Variants in GRIA4 observed in about 807,000 individuals in gnomAD.
The protein encoded by GRIA4 is glutamate ionotropic receptor AMPA type subunit 4.
GRIA4 carries 34 observed loss-of-function variants against 104.0 expected under a neutral mutation model. That is an observed-to-expected ratio of 0.33 (90% CI 0.25 to 0.44). The LOEUF is 0.44. GRIA4 is among the 20% of genes least tolerant of loss of function. The probability of loss-of-function intolerance (pLI) is 1.00; values close to 1 mark genes in which losing one functional copy is unlikely to be tolerated. For missense variants in GRIA4, 750 were observed against 1,096.5 expected (o/e 0.68, Z 4.46); for synonymous variants, 386 against 381.9 (o/e 1.01, Z -0.13).
chr11:105,709,186 C>T (rs963783187), intron 3 of GRIA4, among the ~76,000 whole-genome samples: 4 of 151,740 alleles, frequency 2.6e-5, no homozygotes, highest in Non-Finnish European at 5.9e-5. Context: ...TCTGGGACAC[C>T]GTGAGTAAAA....
At chr11:105,904,528 G>C (rs569302675) in intron 8 of GRIA4, among the ~76,000 whole-genome samples, 1 of 152,300 alleles carries the variant, frequency 6.6e-6, no homozygotes, top group Non-Finnish European at 1.5e-5. Context: ...ACCAGAACCA[G>C]AAATAATGAC....
chr11:105,663,365 A>G (rs1250887014), intron 3 of GRIA4, among the ~76,000 whole-genome samples: 5 of 151,958 alleles, frequency 3.3e-5, no homozygotes, highest in African/African-American at 9.7e-5. Flanking sequence ...TCTTCAACAG[A>G]CATTTATTGC....
chr11:105,647,926 T>C (rs922289613), intron 3 of GRIA4, among the ~76,000 whole-genome samples: 1 of 150,756 alleles, frequency 6.6e-6, no homozygotes, highest in Non-Finnish European at 1.5e-5. Flanking sequence ...GCCACTTTAC[T>C]CCAGACTGAG....
chr11:105,955,796 T>C (rs1404834891), intron 14 of GRIA4, among the ~76,000 whole-genome samples: 1 of 152,212 alleles, frequency 6.6e-6, no homozygotes, highest in Non-Finnish European at 1.5e-5. Flanking sequence ...TTCCTGATTT[T>C]TTAAAAATCA....
chr11:105,964,073 TA>T (rs1948802043), intron 14 of GRIA4, among the ~76,000 whole-genome samples: 1 of 152,142 alleles, frequency 6.6e-6, no homozygotes, highest in Non-Finnish European at 1.5e-5. Context: ...AGACACAAAA[TA>T]AATTAAAACA....
chr11:105,903,133 T>C (rs950537519), intron 7 of GRIA4, among the ~76,000 whole-genome samples: 1 of 152,206 alleles, frequency 6.6e-6, no homozygotes, highest in African/African-American at 2.4e-5. Flanking sequence ...CTAGGTTATA[T>C]TGAAAACTTT....
intron 3 of GRIA4, among the ~76,000 whole-genome samples, chr11:105,729,383 G>T (rs978314821): frequency 2.0e-5 from 3 of 152,084 alleles, no homozygotes; most frequent in African/African-American, 7.2e-5. Flanking sequence ...GCCCAAAAAT[G>T]CCCAGGACCA....
intron 4 of GRIA4, among the ~76,000 whole-genome samples, chr11:105,770,928 A>T (rs904785135): frequency 6.6e-6 from 1 of 151,976 alleles, no homozygotes; most frequent in Non-Finnish European, 1.5e-5. Flanking sequence ...TATTCCCTTC[A>T]TCCAAGGCTG....
intron 3 of GRIA4, among the ~76,000 whole-genome samples, chr11:105,717,351 C>T (rs1954128061): frequency 6.6e-6 from 1 of 152,106 alleles, no homozygotes; most frequent in Non-Finnish European, 1.5e-5. Context: ...GGGAATTCTG[C>T]TCCTACCTAA....
At chr11:105,963,736 C>T (rs1046105455) in intron 14 of GRIA4, among the ~76,000 whole-genome samples, 1 of 152,040 alleles carries the variant, frequency 6.6e-6, no homozygotes, top group Non-Finnish European at 1.5e-5. Flanking sequence ...TTGTAGAAAG[C>T]TTGATTCCAA....
intron 3 of GRIA4, among the ~76,000 whole-genome samples, chr11:105,615,586 A>G (rs1950580010): frequency 6.6e-6 from 1 of 151,854 alleles, no homozygotes; most frequent in African/African-American, 2.4e-5. Flanking sequence ...TTTGTGAGGT[A>G]TCCAAAATAT....
At chr11:105,877,693 T>C (rs1352252001) in intron 5 of GRIA4, among the ~76,000 whole-genome samples, 1 of 152,212 alleles carries the variant, frequency 6.6e-6, no homozygotes, top group Non-Finnish European at 1.5e-5. Context: ...TTCTCCATGA[T>C]CAATTCAGCT....
chr11:105,826,337 C>A (rs1943770698), intron 4 of GRIA4, among the ~76,000 whole-genome samples: 1 of 151,994 alleles, frequency 6.6e-6, no homozygotes, highest in Non-Finnish European at 1.5e-5. Context: ...CATGGGACAC[C>A]TGCATCTGAT....
chr11:105,897,072 T>C (rs1946675688), intron 6 of GRIA4, among the ~76,000 whole-genome samples: 1 of 152,210 alleles, frequency 6.6e-6, no homozygotes, highest in African/African-American at 2.4e-5. Flanking sequence ...TTAGGTGTCA[T>C]CTATGATTTA....
At chr11:105,968,405 A>G (rs565489871) in intron 14 of GRIA4, among the ~76,000 whole-genome samples, 14 of 152,316 alleles carry the variant, frequency 9.2e-5, no homozygotes, top group African/African-American at 3.4e-4. Context: ...AATATAAGGA[A>G]CAATTAGACT....
chr11:105,894,296 T>C (rs1304455029), intron 6 of GRIA4, among the ~76,000 whole-genome samples: 1 of 152,152 alleles, frequency 6.6e-6, no homozygotes, highest in African/African-American at 2.4e-5. Context: ...AGAGGTGGTT[T>C]GTATGGCTGG....
chr11:105,676,462 AG>A (rs1418830788), intron 3 of GRIA4, among the ~76,000 whole-genome samples: 3 of 151,450 alleles, frequency 2.0e-5, no homozygotes, highest in African/African-American at 7.3e-5. Context: ...TTGAAGGACT[AG>A]GAAAAAAGTT....
At chr11:105,613,520 G>A (rs559061045) in intron 3 of GRIA4, 2 of 152,234 alleles carry the variant, frequency 1.3e-5, no homozygotes, top group Non-Finnish European at 2.9e-5. Context: ...ATATCAAGCT[G>A]GGAACATTTT....
In GRIA4 at chr11:105,910,660, T is replaced by A; in HGVS notation, c.1269+115T>A. On this transcript the variant is annotated intron_variant, in intron 10 of 16. Transcript: ENST00000282499. The stretch of plus-strand genomic sequence containing the variant: ...ACTGTTAGCAATGGTGACATGGGTG[T>A]TCTGATCCACAAAATCCTATTGAGG... 3 of 624,428 alleles carry A rather than the reference T, an allele frequency of 4.8e-6. No homozygotes were observed. The South Asian group carries it at 5.8e-5, about 12-fold the overall frequency. 38.7% of individuals were successfully genotyped at this position (624,428 alleles called of 1,614,324 possible). A position where few individuals can be genotyped will look rare whatever the true frequency, so the allele number is the denominator to read the frequency against.
Sources: gnomAD v4.1 joint callset for allele counts (sites outside exome capture counted in the v4.1 genomes callset) on GRCh38, gnomAD v4.1.1 for gene constraint, MANE v1.5 for transcripts, NCBI Gene and HGNC (gene_info 2026-07-23, HGNC 2026-07-21) for gene names.